CABLES2: variants seen among roughly 807,000 people sequenced by gnomAD.
The protein encoded by CABLES2 is Cdk5 and Abl enzyme substrate 2, also known as CDK5 and ABL1 enzyme substrate 2.
In CABLES2, 35 loss-of-function variants were observed where a neutral mutation model predicts 44.8. The observed-to-expected ratio is 0.78, with a 90% CI of 0.60 to 1.04. The LOEUF is 1.04. Ranked by LOEUF, CABLES2 falls within the 50% of genes least tolerant of loss-of-function variation. The pLI is 0.00. For synonymous variants in CABLES2, 282 were observed against 281.1 expected, an observed-to-expected ratio of 1.00 and a Z score of -0.03; for missense variants, 566 against 615.7, an observed-to-expected ratio of 0.92 and a Z score of 0.85.
chr20:62,395,864 C>A (rs1824118140), intron 3 of CABLES2, among the ~76,000 whole-genome samples: 1 of 152,200 alleles, frequency 6.6e-6, no homozygotes, highest in African/African-American at 2.4e-5. Flanking sequence ...CCCCTGCGGC[C>A]TCCCCGACAC....
intron 1 of CABLES2, among the ~76,000 whole-genome samples, chr20:62,397,943 GGTGACGGTA>G (rs766254953): frequency 1.4e-3 from 39 of 28,000 alleles, no homozygotes; most frequent in South Asian, 2.0e-3. Flanking sequence ...TGGTGATGGT[GGTGACGGTA>G]GTGGTGGTGA....
In CABLES2 at chr20:62,406,925, GC is replaced by G; in HGVS notation, c.351del (p.Gln118SerfsTer41). ...TQVPTGLGLD[G>X]QRQRKRVTSQ... ...CGGGCCCCCACTCACCTCTGGCGCT[GC>G]CCATCCAGGCCGAGGCCGGTGGGCA... On this transcript the variant is annotated frameshift_variant, in exon 1 of 10. Coordinates refer to ENST00000279101, the MANE Select transcript of CABLES2 (RefSeq NM_031215.3). LOFTEE classifies it high-confidence loss of function. 1 of 1,218,254 alleles carries G rather than the reference GC, an allele frequency of 8.2e-7. No individual in the cohort carries two copies. Among genetic ancestry groups the G allele is most frequent in the Non-Finnish European group, 1.0e-6 (1 of 978,336 alleles). 75.5% of individuals were successfully genotyped at this position (1,218,254 alleles called of 1,614,324 possible).
Position 62,394,957 on chromosome 20 carries a change from A to G in CABLES2, c.585T>C (p.Tyr195=), listed in dbSNP as rs561928086. Residue 195 remains tyrosine (Y), a synonymous_variant, in exon 4 of 10, where the codon TAT becomes TAC. Transcript: ENST00000279101. The part of the protein sequence containing the change: ...SLCAAFSVLP[Y]GEGLRISDLR... ...CTCACCTGATCCGCAGGCCTTCCCC[A>G]TAGGGCAGGACCGAGAAGGCCGCGC... 70 of 1,612,884 alleles carry G rather than the reference A, an allele frequency of 4.3e-5. No individual in the cohort carries two copies. The East Asian group carries it at 1.1e-3, about 25-fold the overall frequency.
chr20:62,397,978 TGATGGC>T (rs1988063527), intron 1 of CABLES2, among the ~76,000 whole-genome samples: 7 of 112,260 alleles, frequency 6.2e-5, no homozygotes, highest in Middle Eastern at 5.3e-3. Context: ...GTGACAGTGG[TGATGGC>T]GGTGGTGGTG....
Position 62,394,262 on chromosome 20 carries a change from G to A in CABLES2, c.609C>T (p.Asp203=), listed in dbSNP as rs1306038322. ...TCTGCTTCTGGCTGTCCACCCTCAG[G>A]TCACTGCAAACATGGGAGAGGCAAG... The part of the protein sequence containing the change: ...LPYGEGLRIS[D]LRVDSQKQRH... The change falls in exon 5 of 10, where the codon GAC becomes GAT. Residue 203 remains aspartate (D), a synonymous_variant. Coordinates refer to ENST00000279101, the MANE Select transcript of CABLES2 (RefSeq NM_031215.3). The A allele has an allele frequency of 1.7e-5, 28 of 1,612,984 alleles. No individual in the cohort carries two copies. Among genetic ancestry groups the A allele is most frequent in the Non-Finnish European group, 2.2e-5 (26 of 1,179,796 alleles).
chr20:62,392,553 C>T, intron 7 of CABLES2, 58 bp from the exon 8 acceptor site: 4 of 1,229,998 alleles, frequency 3.3e-6, no homozygotes, highest in South Asian at 2.4e-5. Context: ...TGGGTCCTGC[C>T]TGCTGGGTAC....
In CABLES2 at chr20:62,389,190, G is replaced by T. The variant is rs200113888; in HGVS notation, c.*1781C>A. 6.6e-6 allele frequency: 1 copy of T among 152,612 alleles called. No homozygotes were observed. The highest frequency in any genetic ancestry group is 1.9e-4 in the East Asian group (1 of 5,194). 9.5% of individuals were successfully genotyped at this position (152,612 alleles called of 1,614,324 possible). On this transcript the variant is annotated 3_prime_UTR_variant, in exon 10 of 10. Transcript: ENST00000279101. ...AGATGGGATCTGGGTGGCAGGAGAG[G>T]TTGCTTTTCAGAGGAAAGCTGCCTG...
At chr20:62,399,546 CTGTT>C (rs914705915) in intron 1 of CABLES2, among the ~76,000 whole-genome samples, 2 of 135,606 alleles carry the variant, frequency 1.5e-5, no homozygotes, top group Non-Finnish European at 1.6e-5. Flanking sequence ...CACGCCCGGC[CTGTT>C]TTTTTTTTTG....
At chr20:62,392,348 G>T (rs922421074) in intron 8 of CABLES2, 41 bp downstream of exon 8, 2 of 1,411,010 alleles carry the variant, frequency 1.4e-6, no homozygotes, top group Non-Finnish European at 2.0e-6. Context: ...GGCTGGCAGG[G>T]CCTCCCAGGA....
rs1988021177 is a variant in CABLES2 at position 62,396,418 on chromosome 20, A to G, written c.435-11T>C. On this transcript the variant is annotated splice_polypyrimidine_tract_variant and intron_variant, in intron 2 of 9. Transcript: ENST00000279101. This position sits in a 1 kb window ranked among gnomAD's most constrained non-coding sequence, Gnocchi z 5.7. ...GATGTGTGTTTGGTTCTGCAAGGCA[A>G]AGGACACAGGTCACTCTTTTCCTCC... is the stretch of plus-strand genomic sequence containing the variant. 3.7e-6 allele frequency: 6 copies of G among 1,613,430 alleles called. No homozygotes were observed. The highest frequency in any genetic ancestry group is 4.2e-6 in the Non-Finnish European group (5 of 1,179,814).
chr20:62,390,852 A>G lies in CABLES2; in HGVS notation c.*119T>C. The G allele has an allele frequency of 8.3e-7, 1 of 1,201,120 alleles. No individual in the cohort carries two copies. The highest frequency in any genetic ancestry group is 1.4e-5 in the South Asian group (1 of 73,322). 74.4% of individuals were successfully genotyped at this position (1,201,120 alleles called of 1,614,324 possible). A position where few individuals can be genotyped will look rare whatever the true frequency, so the allele number is the denominator to read the frequency against. On this transcript the variant is annotated 3_prime_UTR_variant, in exon 10 of 10. Coordinates refer to ENST00000279101, the MANE Select transcript of CABLES2 (RefSeq NM_031215.3). The stretch of plus-strand genomic sequence containing the variant: ...AAGGAAAGCTGCACCAGCGGAGGCC[A>G]GGTGCCTCCTGCTAGCAGGTGCTGG...
chr20:62,400,110 C>T (rs1337038943), intron 1 of CABLES2, among the ~76,000 whole-genome samples: 1 of 152,240 alleles, frequency 6.6e-6, no homozygotes, highest in Non-Finnish European at 1.5e-5. Flanking sequence ...GGCGCCATCA[C>T]CAGACACAGC....
rs1246274900 is a variant in CABLES2 at position 62,396,655 on chromosome 20, A to C, written c.363-63T>G. The C allele has an allele frequency of 2.0e-6, 3 of 1,518,474 alleles. No individual in the cohort carries two copies. The highest frequency in any genetic ancestry group is 2.7e-5 in the African/African-American group (2 of 72,942). 94.1% of individuals were successfully genotyped at this position (1,518,474 alleles called of 1,614,324 possible). A position where few individuals can be genotyped will look rare whatever the true frequency, so the allele number is the denominator to read the frequency against. ...GCCCGGGTGCCGCCTTTGTGGCCAG[A>C]AACCGAGTGCCGCCCGCTGTGCAGG... On this transcript the variant is annotated intron_variant, in intron 1 of 9. Transcript: ENST00000279101. The surrounding 1 kb of genome is among the most constrained non-coding windows in gnomAD (Gnocchi z 5.7).
Position 62,407,104 on chromosome 20 carries a change from TC to T in CABLES2, c.172del (p.Asp58ThrfsTer101). ...CGGGCCCAGGCTCGGGGGCCGCCCG[TC>T]CAGGGAGATGTTGTTGAGGAAGAAA... ...ALFFLNNISL[D>X]GRPPSLGPGG... On this transcript the variant is annotated frameshift_variant, in exon 1 of 10. Coordinates refer to ENST00000279101, the MANE Select transcript of CABLES2 (RefSeq NM_031215.3). LOFTEE classifies it high-confidence loss of function. The T allele has an allele frequency of 9.6e-7, 1 of 1,041,702 alleles. No individual in the cohort carries two copies. Among genetic ancestry groups the T allele is most frequent in the Non-Finnish European group, 1.2e-6 (1 of 865,930 alleles). The allele number at this position is 1,041,702 out of a possible 1,614,324, so 64.5% of individuals were successfully genotyped here. A position where few individuals can be genotyped will look rare whatever the true frequency, so the allele number is the denominator to read the frequency against.
At chr20:62,399,380 G>A (rs1988146027) in intron 1 of CABLES2, among the ~76,000 whole-genome samples, 1 of 152,008 alleles carries the variant, frequency 6.6e-6, no homozygotes, top group African/African-American at 2.4e-5. Context: ...CTGAGTAGCT[G>A]GGACTACAGG....
chr20:62,396,724 G>A lies in CABLES2; in HGVS notation c.363-132C>T. 6 of 887,482 alleles carry A rather than the reference G, an allele frequency of 6.8e-6. No individual in the cohort carries two copies. Among genetic ancestry groups the A allele is most frequent in the Non-Finnish European group, 1.1e-5 (6 of 570,650 alleles). The allele number at this position is 887,482 out of a possible 1,614,324, so 55.0% of individuals were successfully genotyped here. ...CCAGCGGCGCACCCATGGGCCGAGGGGCTTCCAGAGCCCATGCAGACTGAG... is the reference window on the plus strand; with the variant it reads ...CCAGCGGCGCACCCATGGGCCGAGGAGCTTCCAGAGCCCATGCAGACTGAG... On this transcript the variant is annotated intron_variant, in intron 1 of 9. Coordinates refer to ENST00000279101, the MANE Select transcript of CABLES2 (RefSeq NM_031215.3). This position sits in a 1 kb window ranked among gnomAD's most constrained non-coding sequence, Gnocchi z 5.7.
rs760322281 is a variant in CABLES2 at position 62,393,041 on chromosome 20, C to T, written c.881-18G>A. On this transcript the variant is annotated intron_variant, in intron 6 of 9. Coordinates refer to ENST00000279101, the MANE Select transcript of CABLES2 (RefSeq NM_031215.3). ...GTCACTCCCTGTAAGAGAGGCAACC[C>T]CTGACCCACCAGGAGTCTTGAGCAG... The T allele has an allele frequency of 6.2e-7, 1 of 1,601,110 alleles. No individual in the cohort carries two copies. Among genetic ancestry groups the T allele is most frequent in the Non-Finnish European group, 8.6e-7 (1 of 1,168,652 alleles).
In CABLES2 at chr20:62,407,244, G is replaced by T; in HGVS notation, c.33C>A (p.Gly11=). ...GGGGCCCGGCGGGGCCGGGGGCCGGGCCCGGGGCTCCACCGGCCGCGGCCG... is the reference window on the plus strand; with the variant it reads ...GGGGCCCGGCGGGGCCGGGGGCCGGTCCCGGGGCTCCACCGGCCGCGGCCG... MAAAAAGGAP[G]PAPGPAGPPP... Residue 11 remains glycine, a synonymous_variant, in exon 1 of 10, where the codon GGC becomes GGA. Transcript: ENST00000279101. 5.2e-6 allele frequency: 4 copies of T among 775,748 alleles called. No homozygotes were observed. Among genetic ancestry groups the T allele is most frequent in the Non-Finnish European group, 4.7e-6 (3 of 641,828 alleles). 48.1% of individuals were successfully genotyped at this position (775,748 alleles called of 1,614,324 possible).
chr20:62,393,394 A>T, intron 6 of CABLES2, 46 bp downstream of exon 6: 2 of 1,542,174 alleles, frequency 1.3e-6, no homozygotes, highest in South Asian at 1.3e-5. Context: ...TGGTTAAGGC[A>T]CGCGGGTCAC....
Sources: allele counts gnomAD v4.1 joint callset (sites outside exome capture counted in the v4.1 genomes callset), GRCh38; gene constraint gnomAD v4.1.1; non-coding constraint Gnocchi (gnomAD v3.1); transcripts MANE v1.5; gene names NCBI Gene and HGNC (gene_info 2026-07-23, HGNC 2026-07-21).